The following IFT140 variants were observed in gnomAD, a reference collection of about 807,000 sequenced individuals.
The protein encoded by IFT140 is intraflagellar transport 140.
In IFT140, 133 loss-of-function variants were observed where a neutral mutation model predicts 164.6. The ratio of observed to expected loss-of-function variants is 0.81; its 90% CI spans 0.70 to 0.93. The LOEUF (loss-of-function observed/expected upper bound fraction) is 0.93. Among genes scored for constraint, IFT140 ranks in the 40% least tolerant of loss-of-function variants. The pLI, the probability that IFT140 is intolerant of heterozygous loss-of-function variation, is 0.00. For missense variants in IFT140, 2,045 were observed against 1,972.3 expected, an observed-to-expected ratio of 1.04 and a Z score of -0.70; for synonymous variants, 860 against 817.3, an observed-to-expected ratio of 1.05 and a Z score of -0.89.
At chr16:1,604,317 G>GTGTGTGT (rs10701132) in intron 3 of IFT140, 39 of 124,954 alleles carry the variant, frequency 3.1e-4, no homozygotes, top group South Asian at 1.0e-3. Flanking sequence ...GTGTGTGTGT[G>GTGTGTGT]GAGGGGGGAG....
At chr16:1,522,229 C>T (rs1163467777) in intron 26 of IFT140, among the ~76,000 whole-genome samples, 4 of 151,852 alleles carry the variant, frequency 2.6e-5, no homozygotes, top group East Asian at 3.9e-4. Flanking sequence ...TGGTGGTGGG[C>T]GCCTGTAGTC....
chr16:1,534,177 G>A (rs1663151295), intron 19 of IFT140: 4 of 1,493,790 alleles, frequency 2.7e-6, no homozygotes, highest in South Asian at 1.2e-5. Flanking sequence ...GAGTGGTGAT[G>A]TCCTCTAGCC....
At position 1,586,193 on chromosome 16, in the gene IFT140, C is replaced by T. The variant is rs763003980; in HGVS notation, c.1092G>A (p.Glu364=). Residue 364 remains glutamate (E), a synonymous_variant, in exon 10 of 31, where the codon GAG becomes GAA. Transcript: ENST00000426508. The stretch of plus-strand genomic sequence containing the variant: ...TCTGAAGGGCCCACCTGTCCTTGCC[C>T]TCTGCCCCGGGGCTGCCCAGGAAGT... The part of the protein sequence containing the change: ...VPDFLGSPGA[E]GKDRWALQTP... 5 of 1,614,024 alleles carry T rather than the reference C, an allele frequency of 3.1e-6. No individual in the cohort carries two copies. The highest frequency in any genetic ancestry group is 1.3e-5 in the African/African-American group (1 of 74,938).
At chr16:1,536,435 C>T (rs1458273766) in intron 19 of IFT140, among the ~76,000 whole-genome samples, 1 of 152,172 alleles carries the variant, frequency 6.6e-6, no homozygotes, top group Admixed American at 6.5e-5. Context: ...CCCTGGTCAG[C>T]CCCTTGGACA....
intron 13 of IFT140, among the ~76,000 whole-genome samples, chr16:1,572,595 G>A (rs537615258): frequency 2.6e-5 from 4 of 152,316 alleles, no homozygotes; most frequent in African/African-American, 9.6e-5. Flanking sequence ...GCAGTGAGCC[G>A]AGAACATGCC....
In IFT140 at chr16:1,516,036, A is replaced by G. The variant is rs540387931; in HGVS notation, c.4182+2180T>C. On this transcript the variant is annotated intron_variant, in intron 30 of 30. Coordinates refer to ENST00000426508, the MANE Select transcript of IFT140 (RefSeq NM_014714.4). ...ATGCCTGTAATCCCAGCTACTCCGG[A>G]GGCTGAGGCAGGAGAATCACTTGAA... Among the ~76,000 whole-genome samples, 3 of 150,932 alleles carry G rather than the reference A, an allele frequency of 2.0e-5. No homozygotes were observed. The East Asian group carries it at 5.9e-4, about 30-fold the overall frequency.
chr16:1,591,997 T>C (rs1466774026), intron 6 of IFT140, among the ~76,000 whole-genome samples, 179 bp downstream of exon 6: 1 of 152,218 alleles, frequency 6.6e-6, no homozygotes, highest in African/African-American at 2.4e-5. Flanking sequence ...ATTTCAACAC[T>C]GGATGGATGG....
At chr16:1,584,574 G>A (rs2034768411) in intron 10 of IFT140, among the ~76,000 whole-genome samples, 154 bp from the exon 11 acceptor site, 1 of 152,146 alleles carries the variant, frequency 6.6e-6, no homozygotes, top group African/African-American at 2.4e-5. Context: ...GACATTATAA[G>A]AAAAGTCTTA....
Position 1,520,614 on chromosome 16 carries a change from G to C in IFT140, c.3648C>G (p.Gly1216=). Reference sequence around the variant, plus strand: ...GGGAGAGGCTCACCTTCAGCTTGTTGCCGGCCTGCGTGTACTTCTTGGTGG... The same window carrying C: ...GGGAGAGGCTCACCTTCAGCTTGTTCCCGGCCTGCGTGTACTTCTTGGTGG... ...HLATKKYTQA[G]NKLKAMRALL... is the part of the protein sequence containing the mutation. The change falls in exon 27 of 31, where the codon GGC becomes GGG. Residue 1216 remains glycine (G), a synonymous_variant. Transcript: ENST00000426508. 1.9e-6 allele frequency: 3 copies of C among 1,585,858 alleles called. No individual in the cohort carries two copies. The highest frequency in any genetic ancestry group is 2.6e-6 in the Non-Finnish European group (3 of 1,163,582).
chr16:1,548,318 G>A (rs75713883), intron 19 of IFT140, among the ~76,000 whole-genome samples: 3,195 of 152,292 alleles, frequency 0.021, 107 homozygotes, highest in African/African-American at 0.072. Flanking sequence ...TGCCACCTGT[G>A]TGCATGTGTG....
At chr16:1,595,706 T>G (rs926197565) in intron 4 of IFT140, among the ~76,000 whole-genome samples, 1 of 151,980 alleles carries the variant, frequency 6.6e-6, no homozygotes, top group Non-Finnish European at 1.5e-5. Context: ...ATAGGAATAG[T>G]GTATATTATC....
At chr16:1,522,458 C>T (rs1300053865) in intron 26 of IFT140, among the ~76,000 whole-genome samples, 1 of 152,158 alleles carries the variant, frequency 6.6e-6, no homozygotes, top group Admixed American at 6.5e-5. Context: ...TCACTTGAAC[C>T]CGGGAGGTGG....
chr16:1,553,284 G>C lies in IFT140; in HGVS notation c.2399+4651C>G, dbSNP rs1349467147. ...TCTCTCTTGGTCTCTGTCTCTCTGT[G>C]TCTCTGCCTGTCTCTCTGTGTCTCT... On this transcript the variant is annotated intron_variant, in intron 19 of 30. Coordinates refer to ENST00000426508, the MANE Select transcript of IFT140 (RefSeq NM_014714.4). The surrounding 1 kb of genome is among the most constrained non-coding windows in gnomAD (Gnocchi z 4.4). The C allele has an allele frequency of 3.1e-6, 3 of 980,262 alleles. No individual in the cohort carries two copies. In the African/African-American group the frequency reaches 5.3e-5, roughly 17 times the overall value. The allele number at this position is 980,262 out of a possible 1,614,324, so 60.7% of individuals were successfully genotyped here.
At chr16:1,592,961 A>C (rs2035267304) in intron 4 of IFT140, among the ~76,000 whole-genome samples, 2 of 151,412 alleles carry the variant, frequency 1.3e-5, no homozygotes, top group Non-Finnish European at 2.9e-5. Flanking sequence ...GTGGTGGGAC[A>C]GGTGTCCCGG....
Position 1,566,179 on chromosome 16 carries a change from T to C in IFT140, c.1883A>G (p.Asn628Ser). 2 of 1,613,810 alleles carry C rather than the reference T, an allele frequency of 1.2e-6. No homozygotes were observed. Among genetic ancestry groups the C allele is most frequent in the Non-Finnish European group, 1.7e-6 (2 of 1,179,696 alleles). The change falls in exon 16 of 31, where the codon AAT (asparagine) becomes AGT (serine). Residue 628 changes from asparagine to serine, a missense_variant. Coordinates refer to ENST00000426508, the MANE Select transcript of IFT140 (RefSeq NM_014714.4). ...ATCTTACTTATTAGTCTCTTGCTCA[T>C]TAAAGGACAGCGTCTCTCTCCGATC... ...QIDRRETLSF[N>S]EQETNKSHLF...
chr16:1,593,944 C>A (rs1163130245), intron 4 of IFT140, among the ~76,000 whole-genome samples: 1 of 152,204 alleles, frequency 6.6e-6, no homozygotes, highest in Admixed American at 6.5e-5. Context: ...TCCATGTAAA[C>A]CACCCGGGCT....
In IFT140 at chr16:1,530,133, C is replaced by CTTTTT. The variant is rs922819138; in HGVS notation, c.2400-3342_2400-3338dup. 2.9e-4 allele frequency among the ~76,000 whole-genome samples: 26 copies of CTTTTT among 88,580 alleles called. 1 individual carries two copies. The highest frequency in any genetic ancestry group is 7.0e-4 in the African/African-American group (13 of 18,454). The allele number at this position is 88,580 out of a possible 152,430, so 58.1% of individuals were successfully genotyped here. The stretch of plus-strand genomic sequence containing the variant: ...TCCCAAAAGACTTCACGACGGGAAT[C>CTTTTT]TTTTTTTTTTTTTTTTTTTTTTTTG... On this transcript the variant is annotated intron_variant, in intron 19 of 30. Transcript: ENST00000426508.
Position 1,589,569 on chromosome 16 carries a change from T to A in IFT140, c.810+36A>T, listed in dbSNP as rs776054435. Reference sequence around the variant, plus strand: ...AGGCCAGAGAGAACCTGGCCCAAGATCCCCAGCGTGAGCCCCCAAGCCCAC... The same window carrying A: ...AGGCCAGAGAGAACCTGGCCCAAGAACCCCAGCGTGAGCCCCCAAGCCCAC... On this transcript the variant is annotated intron_variant, in intron 7 of 30. Coordinates refer to ENST00000426508, the MANE Select transcript of IFT140 (RefSeq NM_014714.4). 11 of 1,600,212 alleles carry A rather than the reference T, an allele frequency of 6.9e-6. No homozygotes were observed. In the South Asian group the frequency reaches 1.2e-4, roughly 18 times the overall value.
chr16:1,592,285 G>C lies in IFT140; in HGVS notation c.525C>G (p.Ser175Arg), dbSNP rs772378665. 4.3e-6 allele frequency: 7 copies of C among 1,613,990 alleles called. No homozygotes were observed. The highest frequency in any genetic ancestry group is 1.7e-5 in the Admixed American group (1 of 59,992). Reference sequence around the variant, plus strand: ...ACATGTCCAGGGCTTTCTCATCACCGCTCACAGCTGCCTTTGCCAACTGAA... The same window carrying C: ...ACATGTCCAGGGCTTTCTCATCACCCCTCACAGCTGCCTTTGCCAACTGAA... ...DLVQLAKAAVSGDEKALDMFN... is the reference protein window; with the variant it reads ...DLVQLAKAAVRGDEKALDMFN... Residue 175 changes from serine to arginine, a missense_variant, in exon 6 of 31, where the codon AGC (serine) becomes AGG (arginine). Ser to Arg is a moderately radical substitution (Grantham distance 110). Coordinates refer to ENST00000426508, the MANE Select transcript of IFT140 (RefSeq NM_014714.4).
Sources: allele counts gnomAD v4.1 joint callset (sites outside exome capture counted in the v4.1 genomes callset), GRCh38; gene constraint gnomAD v4.1.1; non-coding constraint Gnocchi (gnomAD v3.1); transcripts MANE v1.5; gene names NCBI Gene and HGNC (gene_info 2026-07-23, HGNC 2026-07-21).